CFAP96: variants seen among roughly 807,000 people sequenced by gnomAD.
The protein encoded by CFAP96 is cilia-and flagella-associated protein 96.
the CFAP96 span, chr4:185,426,186 T>G: frequency 2.3e-6 from 1 of 425,900 alleles, no homozygotes; most frequent in Non-Finnish European, 4.3e-6. Context: ...CACAGCGTGC[T>G]TGGAATGGAT....
the CFAP96 span, among the ~76,000 whole-genome samples, chr4:185,449,115 T>A: frequency 6.6e-6 from 1 of 152,230 alleles, no homozygotes; most frequent in Non-Finnish European, 1.5e-5. Flanking sequence ...TAAGTATATA[T>A]GGCTTTAATA....
the CFAP96 span, chr4:185,426,182 G>C: frequency 6.8e-6 from 3 of 439,390 alleles, no homozygotes; most frequent in Admixed American, 7.2e-5. Context: ...CTCCCACAGC[G>C]TGCTTGGAAT....
the CFAP96 span, among the ~76,000 whole-genome samples, chr4:185,427,279 T>G: frequency 6.6e-6 from 1 of 152,188 alleles, no homozygotes; most frequent in Non-Finnish European, 1.5e-5. Flanking sequence ...GACTGAAGTT[T>G]GGTTTTAAAG....
chr4:185,433,758 C>T, the CFAP96 span, among the ~76,000 whole-genome samples: 100 of 151,904 alleles, frequency 6.6e-4, no homozygotes, highest in Middle Eastern at 3.4e-3. Context: ...AAAAATTAGC[C>T]GGGCGTGGTG....
the CFAP96 span, among the ~76,000 whole-genome samples, chr4:185,421,563 C>G: frequency 6.6e-6 from 1 of 152,144 alleles, no homozygotes; most frequent in Non-Finnish European, 1.5e-5. Context: ...TACACTGCCC[C>G]CTCCTTTGCC....
At chr4:185,449,701 G>A in the CFAP96 span, 1 of 1,204,080 alleles carries the variant, frequency 8.3e-7, no homozygotes. Context: ...ACTATCAAGA[G>A]CTAATTATTT....
chr4:185,413,650 C>G, the CFAP96 span: 2 of 1,375,568 alleles, frequency 1.5e-6, no homozygotes. Flanking sequence ...AATCAAGTCT[C>G]CTACTGGGTA....
the CFAP96 span, among the ~76,000 whole-genome samples, chr4:185,418,069 A>ACACACACACACACACACAC: frequency 4.4e-5 from 1 of 22,780 alleles, no homozygotes; most frequent in African/African-American, 1.9e-4. Flanking sequence ...CACACACACA[A>ACACACACACACACACACAC]ACAACAGAAC....
chr4:185,444,170 G>C, the CFAP96 span, among the ~76,000 whole-genome samples: 1 of 149,654 alleles, frequency 6.7e-6, no homozygotes, highest in Non-Finnish European at 1.5e-5. Flanking sequence ...AGCCAGGATG[G>C]TCTCGATCTC....
At chr4:185,423,568 A>G in the CFAP96 span, among the ~76,000 whole-genome samples, 5 of 152,226 alleles carry the variant, frequency 3.3e-5, no homozygotes, top group Admixed American at 2.6e-4. Context: ...TTGGTTAAAA[A>G]AAATAGGAAT....
At chr4:185,436,273 T>C in the CFAP96 span, 2 of 1,550,170 alleles carry the variant, frequency 1.3e-6, no homozygotes, top group Non-Finnish European at 1.7e-6. Flanking sequence ...TTACTTACTT[T>C]GCTTTCTTAG....
At chr4:185,429,922 C>T in the CFAP96 span, among the ~76,000 whole-genome samples, 2 of 152,284 alleles carry the variant, frequency 1.3e-5, no homozygotes, top group Admixed American at 1.3e-4. Context: ...CCTCCCCACT[C>T]AGCGTGCCGT....
chr4:185,415,894 C>T, the CFAP96 span: 3 of 1,559,020 alleles, frequency 1.9e-6, no homozygotes, highest in Non-Finnish European at 2.6e-6. Flanking sequence ...TAATAGTCAA[C>T]TTGTAGTGCA....
chr4:185,429,331 T>C, the CFAP96 span: 1 of 695,072 alleles, frequency 1.4e-6, no homozygotes. Context: ...CAATGTAAAG[T>C]AGGACTTTGC....
At chr4:185,427,681 AC>A in the CFAP96 span, among the ~76,000 whole-genome samples, 1 of 151,484 alleles carries the variant, frequency 6.6e-6, no homozygotes, top group Non-Finnish European at 1.5e-5. Flanking sequence ...AATTCCTTGA[AC>A]CCAGGAGGCG....
the CFAP96 span, among the ~76,000 whole-genome samples, chr4:185,436,862 T>C: frequency 1.3e-5 from 2 of 152,166 alleles, no homozygotes; most frequent in Non-Finnish European, 2.9e-5. Context: ...TGTCTTGCTG[T>C]ATATCCTCTC....
At chr4:185,445,379 A>C in the CFAP96 span, 1 of 814,802 alleles carries the variant, frequency 1.2e-6, no homozygotes, top group South Asian at 1.8e-5. Context: ...ATAATTTTTA[A>C]AGCAAATATA....
the CFAP96 span, among the ~76,000 whole-genome samples, chr4:185,413,166 G>A: frequency 6.6e-6 from 1 of 152,050 alleles, no homozygotes; most frequent in Admixed American, 6.5e-5. Flanking sequence ...CTAGCCAGGT[G>A]TGGTGGCAGG....
At chr4:185,435,238 C>T in the CFAP96 span, among the ~76,000 whole-genome samples, 1 of 152,102 alleles carries the variant, frequency 6.6e-6, no homozygotes, top group Non-Finnish European at 1.5e-5. Flanking sequence ...GCTTTCCTAC[C>T]ATTTGTAGAC....
Sources: gnomAD v4.1 joint callset for allele counts (sites outside exome capture counted in the v4.1 genomes callset) on GRCh38, gnomAD v4.1.1 for gene constraint, MANE v1.5 for transcripts, NCBI Gene and HGNC (gene_info 2026-07-23, HGNC 2026-07-21) for gene names.